Variants in LIMCH1 observed in about 807,000 individuals in gnomAD.
LIMCH1 encodes the protein LIM and calponin homology domains-containing protein 1.
Under a neutral mutation model 176.5 loss-of-function variants are expected in LIMCH1, and 113 were observed. The observed-to-expected ratio is 0.64, with a 90% CI of 0.55 to 0.75. The LOEUF is 0.75. Among genes scored for constraint, LIMCH1 ranks in the 30% least tolerant of loss-of-function variants. LIMCH1 has a pLI of 0.00. For synonymous variants in LIMCH1, 619 were observed against 645.9 expected, an observed-to-expected ratio of 0.96 and a Z score of 0.63; for missense variants, 1,674 against 1,814.9, an observed-to-expected ratio of 0.92 and a Z score of 1.41.
upstream of LIMCH1, among the ~76,000 whole-genome samples, chr4:41,535,670 A>G (rs749047178): frequency 6.6e-5 from 10 of 152,160 alleles, no homozygotes; most frequent in Non-Finnish European, 1.3e-4. Flanking sequence ...GGAGGAGACA[A>G]TTTAGCTCGT....
chr4:41,633,001 A>G lies in LIMCH1; in HGVS notation c.1745A>G (p.Asp582Gly). The change falls in exon 12 of 32, where the codon GAT becomes GGT. Residue 582 changes from aspartate (D) to glycine (G), a missense_variant. Asp to Gly is a moderately conservative substitution (Grantham distance 94). This residue lies in a region of LIMCH1 where 1,015 missense variants were observed against 1,102.5 expected (regional missense o/e 0.92). Transcript: ENST00000503057. ...EEVTSKQLPQ[D>G]GKEETESAPR... ...GTTACATCCAAACAGCTGCCACAGG[A>G]TGGCAAAGAAGAAACAGAAAGCGCT... is the stretch of plus-strand genomic sequence containing the variant. 6.5e-7 allele frequency: 1 copy of G among 1,535,962 alleles called. No individual in the cohort carries two copies. Among genetic ancestry groups the G allele is most frequent in the Non-Finnish European group, 8.7e-7 (1 of 1,146,780 alleles).
At position 41,623,399 on chromosome 4, in the gene LIMCH1, T is replaced by C. The variant is rs896942999; in HGVS notation, c.725+2709T>C. On this transcript the variant is annotated intron_variant, in intron 7 of 31. Transcript: ENST00000503057. ...AGCCATGTCCGAGGGGAAGAGCATA[T>C]AGATGAACAACAAAGCTTTATTTTG... Among the ~76,000 whole-genome samples the C allele has an allele frequency of 3.3e-5, 5 of 152,282 alleles. No homozygotes were observed. In the East Asian group the frequency reaches 5.8e-4, roughly 18 times the overall value.
At chr4:41,503,805 C>G (rs1222871432) in intron 2 of LIMCH1, among the ~76,000 whole-genome samples, 1 of 152,154 alleles carries the variant, frequency 6.6e-6, no homozygotes, top group Non-Finnish European at 1.5e-5. Context: ...CCAGTCGGTT[C>G]CCTCAGCCCT....
chr4:41,406,128 C>T (rs1032417693), intron 1 of LIMCH1, among the ~76,000 whole-genome samples: 9 of 152,204 alleles, frequency 5.9e-5, no homozygotes, highest in South Asian at 4.1e-4. Flanking sequence ...ACTTTTGTAT[C>T]TTCCTTTCAG....
chr4:41,674,460 C>T (rs995071945), intron 22 of LIMCH1, among the ~76,000 whole-genome samples: 9 of 152,198 alleles, frequency 5.9e-5, no homozygotes, highest in Admixed American at 3.3e-4. Context: ...CTTCCAACAC[C>T]ATTAAATTCC....
chr4:41,619,218 C>T lies in LIMCH1; in HGVS notation c.236C>T (p.Pro79Leu). ...GRGSDSESDLPHRKLPDVKKD... is the reference protein window; with the variant it reads ...GRGSDSESDLLHRKLPDVKKD... ...GGAAGCGACTCTGAATCCGACTTGC[C>T]TCATCGGAAGCTGCCAGATGTGAAG... Residue 79 changes from proline (P) to leucine (L), a missense_variant, in exon 6 of 32, where the codon CCT becomes CTT. Pro to Leu is a moderately conservative substitution (Grantham distance 98). Coordinates refer to ENST00000503057, the MANE Select transcript of LIMCH1 (RefSeq NM_001330672.2). The T allele has an allele frequency of 6.2e-7, 1 of 1,614,202 alleles. No individual in the cohort carries two copies. Among genetic ancestry groups the T allele is most frequent in the Non-Finnish European group, 8.5e-7 (1 of 1,180,024 alleles).
At chr4:41,406,496 C>T (rs2058977004) in intron 1 of LIMCH1, among the ~76,000 whole-genome samples, 1 of 152,168 alleles carries the variant, frequency 6.6e-6, no homozygotes, top group Non-Finnish European at 1.5e-5. Context: ...GGTAACTGCA[C>T]TGCAAGCAGC....
chr4:41,603,937 T>G (rs1387093277), intron 3 of LIMCH1, 32 bp downstream of exon 3: 18 of 1,577,356 alleles, frequency 1.1e-5, no homozygotes, highest in Admixed American at 3.3e-5. Flanking sequence ...CTTGTATCTT[T>G]GATGGTTCAA....
At chr4:41,566,979 C>T (rs1008433289) in intron 1 of LIMCH1, among the ~76,000 whole-genome samples, 1 of 152,172 alleles carries the variant, frequency 6.6e-6, no homozygotes, top group Non-Finnish European at 1.5e-5. Context: ...CAGCAGTGCT[C>T]TTATAAGTGC....
intron 1 of LIMCH1, among the ~76,000 whole-genome samples, chr4:41,462,071 A>T (rs533215041): frequency 1.3e-5 from 2 of 152,256 alleles, no homozygotes; most frequent in East Asian, 3.9e-4. Context: ...ATGATAAATA[A>T]TTATAAAGGG....
chr4:41,408,997 C>G (rs1034428737), intron 1 of LIMCH1, among the ~76,000 whole-genome samples: 2 of 152,108 alleles, frequency 1.3e-5, no homozygotes, highest in African/African-American at 4.8e-5. Flanking sequence ...GCAGCTATAT[C>G]CTGATTTGAA....
intron 1 of LIMCH1, among the ~76,000 whole-genome samples, chr4:41,385,456 A>G (rs917952555): frequency 2.6e-5 from 4 of 152,164 alleles, no homozygotes; most frequent in Non-Finnish European, 4.4e-5. Flanking sequence ...TTCTGTGGCA[A>G]TGGGCTTATT....
intron 7 of LIMCH1, among the ~76,000 whole-genome samples, chr4:41,624,354 C>T (rs1044899464): frequency 1.3e-5 from 2 of 151,930 alleles, no homozygotes; most frequent in Admixed American, 1.3e-4. Context: ...TTTTAGAAAT[C>T]TTTAGAGGAA....
chr4:41,474,855 C>T (rs1183164034), intron 1 of LIMCH1, among the ~76,000 whole-genome samples: 2 of 152,162 alleles, frequency 1.3e-5, no homozygotes, highest in Admixed American at 6.5e-5. Flanking sequence ...ATCAGTGTGT[C>T]GAAGAGATGT....
intron 1 of LIMCH1, among the ~76,000 whole-genome samples, chr4:41,429,475 A>G (rs1424207855): frequency 2.6e-5 from 4 of 152,198 alleles, no homozygotes; most frequent in Non-Finnish European, 1.5e-5. Flanking sequence ...GGCGACAACA[A>G]TGGCATTTGG....
chr4:41,441,789 T>A lies in LIMCH1; in HGVS notation c.97-52747T>A, dbSNP rs547150948. Among the ~76,000 whole-genome samples, 176 of 152,346 alleles carry A rather than the reference T, an allele frequency of 1.2e-3. 1 individual carries two copies. Among genetic ancestry groups the A allele is most frequent in the Admixed American group, 2.9e-3 (45 of 15,302 alleles). On this transcript the variant is annotated intron_variant, in intron 1 of 26. Transcript: ENST00000313860. ...CTTTTTAAGAAGTTAATATGAAATATCTACTTTGCTAATATAAAGTAGTTT... is the reference window on the plus strand; with the variant it reads ...CTTTTTAAGAAGTTAATATGAAATAACTACTTTGCTAATATAAAGTAGTTT...
intron 3 of LIMCH1, 77 bp downstream of exon 3, chr4:41,603,982 G>T: frequency 3.2e-6 from 4 of 1,265,524 alleles, no homozygotes; most frequent in Non-Finnish European, 4.6e-6. Context: ...TTTCTCATAT[G>T]CCTTGCTGGA....
intron 1 of LIMCH1, among the ~76,000 whole-genome samples, chr4:41,414,291 T>C (rs1358651448): frequency 6.6e-6 from 1 of 152,114 alleles, no homozygotes; most frequent in Non-Finnish European, 1.5e-5. Context: ...GTTCTTAGCA[T>C]GAGAGAAGGG....
Position 41,583,923 on chromosome 4 carries a change from G to A in LIMCH1, c.-240-14997G>A, listed in dbSNP as rs146904219. 2.2e-4 allele frequency among the ~76,000 whole-genome samples: 34 copies of A among 151,978 alleles called. No individual in the cohort carries two copies. In the East Asian group the frequency reaches 5.6e-3, roughly 25 times the overall value. ...ACCGAAATTACTTCAGGTTTGTTTT[G>A]GGTTTTTTTTTATTTTGTGGTGTTT... On this transcript the variant is annotated intron_variant, in intron 1 of 31. Transcript: ENST00000503057.
Sources: gnomAD v4.1 joint callset for allele counts (sites outside exome capture counted in the v4.1 genomes callset) on GRCh38, gnomAD v4.1.1 for gene constraint, gnomAD v4.1.1 regional missense constraint, MANE v1.5 for transcripts, NCBI Gene and HGNC (gene_info 2026-07-23, HGNC 2026-07-21) for gene names.